Variants in SNX29 observed in about 807,000 individuals in gnomAD.
The protein encoded by SNX29 is sorting nexin 29.
A neutral mutation model predicts 102.1 loss-of-function variants in SNX29; 78 were observed. The observed-to-expected ratio is 0.76, with a 90% CI of 0.64 to 0.92. The LOEUF is 0.92. Ranked by LOEUF, SNX29 falls within the 40% of genes least tolerant of loss-of-function variation. The pLI is 0.00. For synonymous variants in SNX29, 580 were observed against 414.5 expected (o/e 1.40, Z -4.85); for missense variants, 1,280 against 1,061.7 (o/e 1.21, Z -2.86).
chr16:12,236,599 C>G (rs1247220960), intron 14 of SNX29, among the ~76,000 whole-genome samples: 1 of 152,186 alleles, frequency 6.6e-6, no homozygotes, highest in Non-Finnish European at 1.5e-5. Context: ...GCTATTCTTC[C>G]TCCTGTCATG....
chr16:12,179,345 T>C (rs2076331393), intron 13 of SNX29, among the ~76,000 whole-genome samples: 1 of 152,130 alleles, frequency 6.6e-6, no homozygotes, highest in Non-Finnish European at 1.5e-5. Flanking sequence ...GTTAGCCAGG[T>C]GTGGGGGTGC....
intron 20 of SNX29, chr16:12,526,448 T>C (rs2076785667): frequency 2.3e-6 from 1 of 443,854 alleles, no homozygotes; most frequent in Non-Finnish European, 4.4e-6. Context: ...GAAGACATTA[T>C]AGTATCCTGC....
chr16:12,508,833 C>T (rs2089488099), intron 19 of SNX29, among the ~76,000 whole-genome samples: 1 of 152,142 alleles, frequency 6.6e-6, no homozygotes, highest in Non-Finnish European at 1.5e-5. Context: ...CATGTCCTAC[C>T]CTGAGGGAGC....
At chr16:12,532,131 C>T (rs572329620) in intron 20 of SNX29, among the ~76,000 whole-genome samples, 1 of 152,202 alleles carries the variant, frequency 6.6e-6, no homozygotes, top group Admixed American at 6.5e-5. Context: ...GATTGCCTTG[C>T]ACTGATGCCA....
intron 13 of SNX29, among the ~76,000 whole-genome samples, chr16:12,159,105 G>A (rs531950398): frequency 2.6e-5 from 4 of 152,350 alleles, no homozygotes; most frequent in African/African-American, 9.6e-5. Context: ...TAGCTGGAAT[G>A]AAGGTTCCAT....
intron 13 of SNX29, among the ~76,000 whole-genome samples, chr16:12,142,886 C>T (rs1019084238): frequency 6.6e-6 from 1 of 151,942 alleles, no homozygotes; most frequent in African/African-American, 2.4e-5. Flanking sequence ...TTGATTCACT[C>T]TTCAAACATT....
intron 13 of SNX29, among the ~76,000 whole-genome samples, chr16:12,196,708 C>T (rs2076784980): frequency 6.6e-6 from 1 of 151,132 alleles, no homozygotes; most frequent in Non-Finnish European, 1.5e-5. Context: ...GCAAGCTCCG[C>T]CTCCCAGGTT....
intron 16 of SNX29, among the ~76,000 whole-genome samples, chr16:12,373,231 C>T (rs1363872805): frequency 6.6e-6 from 1 of 152,226 alleles, no homozygotes; most frequent in Non-Finnish European, 1.5e-5. Flanking sequence ...CTTGTGGGCT[C>T]AAGCAGTCCT....
chr16:12,547,034 C>T (rs780001894), intron 20 of SNX29, among the ~76,000 whole-genome samples: 4 of 135,516 alleles, frequency 3.0e-5, no homozygotes, highest in South Asian at 5.0e-4. Context: ...GATAAAGCAT[C>T]TGTTTTCATG....
rs527497766 is a variant in SNX29, at chr16:12,536,992, TAA to T, written c.2318+12155_2318+12156del. Among the ~76,000 whole-genome samples, 43 of 117,150 alleles carry T rather than the reference TAA, an allele frequency of 3.7e-4. No individual in the cohort carries two copies. The South Asian group carries it at 7.5e-3, about 21-fold the overall frequency. 76.9% of individuals were successfully genotyped at this position (117,150 alleles called of 152,430 possible). A position where few individuals can be genotyped will look rare whatever the true frequency, so the allele number is the denominator to read the frequency against. Reference sequence around the variant, plus strand: ...GAGAACCCGTCTTAAAAAAATAAAATAAAAAGAGTTGTTCAGGGCATGGGGGC... The same window carrying T: ...GAGAACCCGTCTTAAAAAAATAAAATAAAGAGTTGTTCAGGGCATGGGGGC... On this transcript the variant is annotated intron_variant, in intron 20 of 20. Transcript: ENST00000566228.
chr16:12,222,118 G>A (rs2077494771), intron 14 of SNX29, among the ~76,000 whole-genome samples: 1 of 152,228 alleles, frequency 6.6e-6, no homozygotes, highest in Non-Finnish European at 1.5e-5. Flanking sequence ...AGCCTACATA[G>A]GTAGGTGCTA....
At chr16:12,459,366 G>A (rs972374956) in intron 18 of SNX29, among the ~76,000 whole-genome samples, 3 of 152,070 alleles carry the variant, frequency 2.0e-5, no homozygotes, top group Admixed American at 6.5e-5. Flanking sequence ...ACACCCTCAC[G>A]GTGGTGCATG....
chr16:12,399,465 C>T (rs1193275473), intron 17 of SNX29, among the ~76,000 whole-genome samples: 1 of 152,180 alleles, frequency 6.6e-6, no homozygotes, highest in African/African-American at 2.4e-5. Context: ...AGGTTCAGCA[C>T]CCGTTGGGAA....
chr16:12,115,411 A>T (rs994624451), intron 11 of SNX29, among the ~76,000 whole-genome samples: 1 of 151,974 alleles, frequency 6.6e-6, no homozygotes, highest in African/African-American at 2.4e-5. Flanking sequence ...TGCTCTGACC[A>T]GAGAAATTCA....
chr16:12,323,905 GT>G (rs1189852297), intron 15 of SNX29, among the ~76,000 whole-genome samples: 1 of 152,142 alleles, frequency 6.6e-6, no homozygotes, highest in African/African-American at 2.4e-5. Context: ...ACTGGTTTAA[GT>G]TGTTGTTTAA....
chr16:12,092,264 A>C (rs1006924768), intron 11 of SNX29, among the ~76,000 whole-genome samples: 1 of 149,774 alleles, frequency 6.7e-6, no homozygotes, highest in Non-Finnish European at 1.5e-5. Flanking sequence ...CCTGACAAGT[A>C]GTTGTTCAAG....
chr16:12,561,745 G>A (rs1013257527), intron 20 of SNX29, among the ~76,000 whole-genome samples: 15 of 152,162 alleles, frequency 9.9e-5, no homozygotes, highest in Non-Finnish European at 1.6e-4. Context: ...GGATGGAGAT[G>A]GAGTTTCTGA....
chr16:12,259,642 A>G (rs1481828091), intron 14 of SNX29, among the ~76,000 whole-genome samples: 1 of 152,072 alleles, frequency 6.6e-6, no homozygotes, highest in Non-Finnish European at 1.5e-5. Flanking sequence ...CCTTTGGGAC[A>G]TTTTCTCATC....
chr16:11,990,268 T>C (rs1229419949), intron 1 of SNX29, among the ~76,000 whole-genome samples: 1 of 152,004 alleles, frequency 6.6e-6, no homozygotes, highest in Non-Finnish European at 1.5e-5. Context: ...AAAAGCTGGG[T>C]TTTCAGCCTC....
Sources: allele counts gnomAD v4.1 joint callset (sites outside exome capture counted in the v4.1 genomes callset), GRCh38; gene constraint gnomAD v4.1.1; transcripts MANE v1.5; gene names NCBI Gene and HGNC (gene_info 2026-07-23, HGNC 2026-07-21).